Variants in KIF16B observed in about 807,000 individuals in gnomAD.
KIF16B encodes the protein kinesin-like protein KIF16B.
KIF16B carries 98 observed loss-of-function variants against 156.3 expected under a neutral mutation model. The observed-to-expected ratio is 0.63, with a 90% CI of 0.53 to 0.74. KIF16B has a LOEUF of 0.74. Among genes scored for constraint, KIF16B ranks in the 30% least tolerant of loss-of-function variants. The probability of loss-of-function intolerance (pLI) is 0.00; values close to 1 mark genes in which losing one functional copy is unlikely to be tolerated. For missense variants in KIF16B, 1,421 were observed against 1,606.5 expected (o/e 0.88, Z 1.97); for synonymous variants, 564 against 583.7 (o/e 0.97, Z 0.49).
chr20:16,357,325 G>A (rs1045802822), intron 22 of KIF16B, among the ~76,000 whole-genome samples: 11 of 152,094 alleles, frequency 7.2e-5, no homozygotes, highest in African/African-American at 2.4e-4. Context: ...CCCCTACGAG[G>A]TATTAACCAT....
intron 1 of KIF16B, among the ~76,000 whole-genome samples, chr20:16,531,783 T>A (rs1184450636): frequency 6.6e-6 from 1 of 152,036 alleles, no homozygotes; most frequent in African/African-American, 2.4e-5. Context: ...ACCAACTGGA[T>A]CCCAATTCAA....
intron 25 of KIF16B, among the ~76,000 whole-genome samples, chr20:16,306,798 C>A (rs1374120945): frequency 6.6e-6 from 1 of 152,182 alleles, no homozygotes; most frequent in Non-Finnish European, 1.5e-5. Context: ...TCTATCATCA[C>A]AGGACCAACG....
At chr20:16,541,260 T>TA (rs1177183418) in intron 1 of KIF16B, among the ~76,000 whole-genome samples, 1 of 152,222 alleles carries the variant, frequency 6.6e-6, no homozygotes, top group Non-Finnish European at 1.5e-5. Flanking sequence ...ACACAGATAG[T>TA]AAAAAATTCT....
intron 12 of KIF16B, among the ~76,000 whole-genome samples, chr20:16,490,064 A>G (rs2068242302): frequency 6.6e-6 from 1 of 152,184 alleles, no homozygotes; most frequent in African/African-American, 2.4e-5. Flanking sequence ...CTAGGTCATC[A>G]GATTTGTATG....
At chr20:16,385,553 T>G (rs949000381) in intron 17 of KIF16B, among the ~76,000 whole-genome samples, 17 of 152,310 alleles carry the variant, frequency 1.1e-4, no homozygotes, top group Admixed American at 8.5e-4. Flanking sequence ...CTGAAGAATG[T>G]AACAGGCCCC....
chr20:16,353,643 T>G (rs1482060004), intron 23 of KIF16B, among the ~76,000 whole-genome samples: 3 of 152,076 alleles, frequency 2.0e-5, no homozygotes, highest in Non-Finnish European at 4.4e-5. Context: ...CCTGCTGAGG[T>G]TGCCTGGAGA....
intron 1 of KIF16B, among the ~76,000 whole-genome samples, chr20:16,561,163 G>A (rs62196308): frequency 0.023 from 3,518 of 151,972 alleles, 49 homozygotes; most frequent in Middle Eastern, 0.072. Flanking sequence ...GCGTGGTGGC[G>A]GGTATCTGTA....
At chr20:16,488,343 C>T (rs747637794) in intron 12 of KIF16B, among the ~76,000 whole-genome samples, 4 of 152,152 alleles carry the variant, frequency 2.6e-5, no homozygotes, top group African/African-American at 4.8e-5. Flanking sequence ...ACTGTCTGTG[C>T]GTTATTTTGA....
At chr20:16,452,284 G>A (rs1393531131) in intron 12 of KIF16B, among the ~76,000 whole-genome samples, 1 of 152,040 alleles carries the variant, frequency 6.6e-6, no homozygotes, top group African/African-American at 2.4e-5. Flanking sequence ...GAGAAACTGA[G>A]AAGGCTGCCC....
chr20:16,275,258 G>C (rs760685854), intron 25 of KIF16B, among the ~76,000 whole-genome samples: 4 of 152,088 alleles, frequency 2.6e-5, no homozygotes, highest in Non-Finnish European at 5.9e-5. Flanking sequence ...GTTTCACCAT[G>C]TTGGCCAGGC....
intron 25 of KIF16B, among the ~76,000 whole-genome samples, chr20:16,287,496 T>G (rs990697794): frequency 3.9e-5 from 6 of 152,220 alleles, no homozygotes; most frequent in Admixed American, 3.9e-4. Context: ...ATTCAGAGAA[T>G]CTTCTTTATG....
At chr20:16,542,034 T>C (rs2070224009) in intron 1 of KIF16B, among the ~76,000 whole-genome samples, 1 of 152,154 alleles carries the variant, frequency 6.6e-6, no homozygotes, top group Admixed American at 6.5e-5. Flanking sequence ...CCCTTTAAAA[T>C]GATGCTTTAT....
rs56662060 is a variant in KIF16B at position 16,275,905 on chromosome 20, C to T, written c.3796-2494G>A. Among the ~76,000 whole-genome samples the T allele has an allele frequency of 4.6e-3, 699 of 152,316 alleles. 3 individuals carry two copies. Among genetic ancestry groups the T allele is most frequent in the African/African-American group, 0.016 (661 of 41,572 alleles). The stretch of plus-strand genomic sequence containing the variant: ...ACTCAACCAGCCAATGCTCGCGGTG[C>T]AATGCATGTGCACAACTGATTGTTC... On this transcript the variant is annotated intron_variant, in intron 25 of 25. Transcript: ENST00000354981.
chr20:16,478,764 T>C (rs1225233417), intron 12 of KIF16B, among the ~76,000 whole-genome samples: 1 of 152,218 alleles, frequency 6.6e-6, no homozygotes, highest in African/African-American at 2.4e-5. Context: ...AACTATCAGC[T>C]ATTGTTGTTA....
intron 11 of KIF16B, among the ~76,000 whole-genome samples, chr20:16,494,981 C>T (rs1384954567): frequency 6.6e-6 from 1 of 152,178 alleles, no homozygotes; most frequent in Non-Finnish European, 1.5e-5. Flanking sequence ...GAACACAGCA[C>T]AGTTGGAAAT....
At chr20:16,319,371 TA>T (rs1431739688) in intron 24 of KIF16B, among the ~76,000 whole-genome samples, 4 of 152,206 alleles carry the variant, frequency 2.6e-5, no homozygotes, top group Non-Finnish European at 5.9e-5. Context: ...TCTATTAATC[TA>T]AAAGTATTCT....
At chr20:16,566,017 A>G (rs1407902069) in intron 1 of KIF16B, among the ~76,000 whole-genome samples, 1 of 152,258 alleles carries the variant, frequency 6.6e-6, no homozygotes, top group Non-Finnish European at 1.5e-5. Flanking sequence ...CCAAAAGTTT[A>G]TGAGTAGTTA....
At chr20:16,443,773 T>A (rs921848888) in intron 12 of KIF16B, among the ~76,000 whole-genome samples, 1 of 152,202 alleles carries the variant, frequency 6.6e-6, no homozygotes, top group African/African-American at 2.4e-5. Context: ...GTTGACTGCA[T>A]ATGGCCCCAA....
At chr20:16,502,870 C>G (rs1345620235) in intron 10 of KIF16B, among the ~76,000 whole-genome samples, 3 of 152,166 alleles carry the variant, frequency 2.0e-5, no homozygotes, top group Admixed American at 1.3e-4. Flanking sequence ...GTGATCCAAT[C>G]AAATCATCAT....
Sources: gnomAD v4.1 joint callset for allele counts (sites outside exome capture counted in the v4.1 genomes callset) on GRCh38, gnomAD v4.1.1 for gene constraint, MANE v1.5 for transcripts, NCBI Gene and HGNC (gene_info 2026-07-23, HGNC 2026-07-21) for gene names.